THRB: variants seen among roughly 807,000 people sequenced by gnomAD.
The protein encoded by THRB is nuclear receptor subfamily 1 group A member 2.
In THRB, 12 loss-of-function variants were observed where a neutral mutation model predicts 47.8. That is an observed-to-expected ratio of 0.25 (90% CI 0.16 to 0.41). THRB has a LOEUF of 0.41. THRB is among the 10% of genes least tolerant of loss of function. THRB has a pLI of 1.00. For synonymous variants in THRB, 218 were observed against 212.2 expected, an observed-to-expected ratio of 1.03 and a Z score of -0.24; for missense variants, 348 against 589.2, an observed-to-expected ratio of 0.59 and a Z score of 4.24.
chr3:24,160,201 A>G (rs1307385983), intron 5 of THRB, among the ~76,000 whole-genome samples: 1 of 152,060 alleles, frequency 6.6e-6, no homozygotes, highest in Non-Finnish European at 1.5e-5. Flanking sequence ...AGAGAGAGGA[A>G]CCCATGGGGA....
chr3:24,493,220 C>T (rs1430428373), intron 1 of THRB, among the ~76,000 whole-genome samples: 11 of 152,258 alleles, frequency 7.2e-5, no homozygotes, highest in South Asian at 6.2e-4. Context: ...TGACTGATTT[C>T]GGAATTAGAA....
intron 5 of THRB, among the ~76,000 whole-genome samples, chr3:24,185,309 A>G (rs73138657): frequency 1.5e-3 from 224 of 152,338 alleles, no homozygotes; most frequent in African/African-American, 5.1e-3. Flanking sequence ...TATGCCTAGT[A>G]TGATCCCAGG....
chr3:24,375,566 T>C (rs2065224817), intron 1 of THRB, among the ~76,000 whole-genome samples: 1 of 148,744 alleles, frequency 6.7e-6, no homozygotes, highest in Non-Finnish European at 1.5e-5. Context: ...ATATTACTAA[T>C]TATATTGATA....
intron 3 of THRB, among the ~76,000 whole-genome samples, chr3:24,255,270 T>C (rs1176542862): frequency 1.3e-5 from 2 of 152,228 alleles, no homozygotes; most frequent in Non-Finnish European, 2.9e-5. Context: ...TGTGAAATAT[T>C]CTTTGAGTGC....
chr3:24,364,329 C>G (rs746540310), intron 1 of THRB, among the ~76,000 whole-genome samples: 4 of 152,152 alleles, frequency 2.6e-5, no homozygotes, highest in Non-Finnish European at 4.4e-5. Flanking sequence ...TTATGCCAAC[C>G]TGAGTGAAGT....
intron 4 of THRB, among the ~76,000 whole-genome samples, chr3:24,214,531 A>C (rs539968987): frequency 6.6e-6 from 1 of 152,368 alleles, no homozygotes; most frequent in East Asian, 1.9e-4. Flanking sequence ...AGAGCACCGA[A>C]GGTGCCGGTT....
intron 2 of THRB, among the ~76,000 whole-genome samples, chr3:24,309,347 T>C (rs1053548194): frequency 6.6e-6 from 1 of 152,246 alleles, no homozygotes; most frequent in Non-Finnish European, 1.5e-5. Context: ...TTACTCTCTT[T>C]GAGTTTGCTA....
intron 1 of THRB, among the ~76,000 whole-genome samples, chr3:24,353,904 C>T (rs2063510376): frequency 6.6e-6 from 1 of 152,048 alleles, no homozygotes; most frequent in African/African-American, 2.4e-5. Context: ...TTAAAAAAAT[C>T]TTAGGAGGAT....
intron 6 of THRB, among the ~76,000 whole-genome samples, chr3:24,147,914 C>G (rs2036320190): frequency 6.6e-6 from 1 of 152,138 alleles, no homozygotes; most frequent in Admixed American, 6.5e-5. Context: ...AACCACCCAG[C>G]AATGACCCCC....
chr3:24,408,643 A>C (rs949386948), intron 1 of THRB, among the ~76,000 whole-genome samples: 1 of 151,842 alleles, frequency 6.6e-6, no homozygotes, highest in Non-Finnish European at 1.5e-5. Flanking sequence ...CTGTGATTAG[A>C]TGCATTAAGA....
chr3:24,175,846 T>G (rs1370397701), intron 5 of THRB, among the ~76,000 whole-genome samples: 1 of 152,202 alleles, frequency 6.6e-6, no homozygotes, highest in Admixed American at 6.5e-5. Flanking sequence ...TCCATTCATT[T>G]TGCACAGTGG....
chr3:24,369,822 A>G (rs2064770674), intron 1 of THRB, among the ~76,000 whole-genome samples: 1 of 152,138 alleles, frequency 6.6e-6, no homozygotes, highest in Non-Finnish European at 1.5e-5. Flanking sequence ...TTTTGAATCT[A>G]TTTAAATGCC....
chr3:24,196,372 C>A (rs1447402054), intron 4 of THRB, among the ~76,000 whole-genome samples: 2 of 152,126 alleles, frequency 1.3e-5, no homozygotes, highest in Non-Finnish European at 2.9e-5. Context: ...AAAGTTGCTT[C>A]TGGAACTTTA....
At chr3:24,287,013 A>T (rs2150927714) in intron 3 of THRB, among the ~76,000 whole-genome samples, 1 of 152,304 alleles carries the variant, frequency 6.6e-6, no homozygotes, top group South Asian at 2.1e-4. Context: ...CAAGGAATAA[A>T]ATTTAACATT....
intron 1 of THRB, among the ~76,000 whole-genome samples, chr3:24,392,315 G>A (rs560413935): frequency 1.3e-5 from 2 of 152,180 alleles, no homozygotes; most frequent in Admixed American, 6.5e-5. Context: ...TGTAGACAAT[G>A]TGTAATAATC....
chr3:24,330,736 G>A (rs2061870713), intron 2 of THRB, among the ~76,000 whole-genome samples: 1 of 152,190 alleles, frequency 6.6e-6, no homozygotes, highest in African/African-American at 2.4e-5. Context: ...AGCAGCCAGT[G>A]CCAACCAAAC....
At chr3:24,384,887 G>C (rs1490287864) in intron 1 of THRB, among the ~76,000 whole-genome samples, 1 of 152,078 alleles carries the variant, frequency 6.6e-6, no homozygotes, top group Non-Finnish European at 1.5e-5. Flanking sequence ...CTGGGTTTTG[G>C]AAATGCTCTA....
At chr3:24,123,232 C>T (rs985282840) in intron 10 of THRB, 107 bp from the exon 11 acceptor site, 6 of 1,530,178 alleles carry the variant, frequency 3.9e-6, no homozygotes, top group Non-Finnish European at 5.4e-6. Context: ...TAGGGTCTTC[C>T]CTCTTAGCCA....
chr3:24,217,582 AT>A (rs1391888114), intron 4 of THRB, among the ~76,000 whole-genome samples: 2 of 152,140 alleles, frequency 1.3e-5, no homozygotes, highest in African/African-American at 4.8e-5. Context: ...GAAAATCACA[AT>A]TTGACACCAA....
Sources: allele counts gnomAD v4.1 joint callset (sites outside exome capture counted in the v4.1 genomes callset), GRCh38; gene constraint gnomAD v4.1.1; transcripts MANE v1.5; gene names NCBI Gene and HGNC (gene_info 2026-07-23, HGNC 2026-07-21).